FSD2: variants seen among roughly 807,000 people sequenced by gnomAD.
FSD2 encodes fibronectin type III and SPRY domain-containing protein 2.
In FSD2, 71 loss-of-function variants were observed where a neutral mutation model predicts 80.4. The ratio of observed to expected loss-of-function variants is 0.88; its 90% confidence interval spans 0.73 to 1.08. FSD2 has a LOEUF of 1.08. FSD2 is among the 50% of genes least tolerant of loss of function. The pLI is 0.00. For missense variants in FSD2, 923 were observed against 913.8 expected (o/e 1.01, Z -0.13); for synonymous variants, 361 against 329.5 (o/e 1.10, Z -1.03).
intron 1 of FSD2, among the ~76,000 whole-genome samples, chr15:82,787,882 C>A (rs1372407114): frequency 6.6e-6 from 1 of 152,024 alleles, no homozygotes; most frequent in Non-Finnish European, 1.5e-5. Flanking sequence ...AGGGTGCAAG[C>A]AATTCTTGTG....
intron 12 of FSD2, among the ~76,000 whole-genome samples, chr15:82,761,081 A>G (rs1283931743): frequency 6.6e-6 from 1 of 152,182 alleles, no homozygotes; most frequent in African/African-American, 2.4e-5. Flanking sequence ...TAGAGTCTTC[A>G]TCTGTTATCG....
At chr15:82,783,567 C>G (rs2049923712) in intron 3 of FSD2, among the ~76,000 whole-genome samples, 1 of 152,252 alleles carries the variant, frequency 6.6e-6, no homozygotes, top group Non-Finnish European at 1.5e-5. Flanking sequence ...GCACTGCTTT[C>G]TCTCCTGGCA....
chr15:82,787,064 C>G lies in FSD2; in HGVS notation c.327G>C (p.Lys109Asn). 1 of 1,613,994 alleles carries G rather than the reference C, an allele frequency of 6.2e-7. No homozygotes were observed. Among genetic ancestry groups the G allele is most frequent in the Non-Finnish European group, 8.5e-7 (1 of 1,179,904 alleles). The change falls in exon 2 of 13, where the codon AAG becomes AAC. Residue 109 changes from lysine (K) to asparagine (N), a missense_variant. Physicochemically the swap from Lys to Asn is moderately conservative, Grantham distance 94. Coordinates refer to ENST00000334574, the MANE Select transcript of FSD2 (RefSeq NM_001007122.4). ...TCTGCTCCCTGGCTGGGTCTCTCCTCTTCATCATATAAGGAGGATATTCTG... is the reference window on the plus strand; with the variant it reads ...TCTGCTCCCTGGCTGGGTCTCTCCTGTTCATCATATAAGGAGGATATTCTG... The part of the protein sequence containing the change: ...GVSEYPPYMM[K>N]RRDPAREQRD...
chr15:82,775,621 C>A (rs888977999), intron 6 of FSD2, among the ~76,000 whole-genome samples: 2 of 152,064 alleles, frequency 1.3e-5, no homozygotes, highest in Non-Finnish European at 2.9e-5. Context: ...TGTGGGATGT[C>A]ATATATGACA....
Position 82,768,860 on chromosome 15 carries a change from C to A in FSD2, c.1553+20G>T, listed in dbSNP as rs1351618162. On this transcript the variant is annotated intron_variant, in intron 9 of 12. Coordinates refer to ENST00000334574, the MANE Select transcript of FSD2 (RefSeq NM_001007122.4). ...CAGGTGTCAGGGCTCTCGTGCCCAG[C>A]AAATGCCCTCATGACTCACTCAGTT... 5 of 1,477,936 alleles carry A rather than the reference C, an allele frequency of 3.4e-6. No individual in the cohort carries two copies. The highest frequency in any genetic ancestry group is 4.5e-6 in the Non-Finnish European group (5 of 1,113,208). 91.6% of individuals were successfully genotyped at this position (1,477,936 alleles called of 1,614,324 possible). A position where few individuals can be genotyped will look rare whatever the true frequency, so the allele number is the denominator to read the frequency against.
At chr15:82,795,314 C>T (rs1240974807) in intron 1 of FSD2, among the ~76,000 whole-genome samples, 1 of 152,070 alleles carries the variant, frequency 6.6e-6, no homozygotes, top group African/African-American at 2.4e-5. Flanking sequence ...TGGAGGAGCT[C>T]AAGCTATGAT....
intron 1 of FSD2, among the ~76,000 whole-genome samples, chr15:82,792,474 TG>T (rs1399911392): frequency 6.6e-6 from 1 of 152,236 alleles, no homozygotes; most frequent in Non-Finnish European, 1.5e-5. Flanking sequence ...TTTGCCTTTT[TG>T]TTATTGAGCT....
At chr15:82,775,183 G>A (rs1328287949) in intron 6 of FSD2, among the ~76,000 whole-genome samples, 1 of 151,450 alleles carries the variant, frequency 6.6e-6, no homozygotes, top group Non-Finnish European at 1.5e-5. Context: ...TGGGTCACGA[G>A]GTCAGGAGTT....
chr15:82,790,337 C>G lies in FSD2; in HGVS notation c.-78-2869G>C, dbSNP rs139240869. On this transcript the variant is annotated intron_variant, in intron 1 of 12. Coordinates refer to ENST00000334574, the MANE Select transcript of FSD2 (RefSeq NM_001007122.4). ...CCTGAATCTTCCCTGAACCTTCCCT[C>G]TTGCTCTCCTTCAGCCAGGGTCAGA... Among the ~76,000 whole-genome samples, 352 of 152,348 alleles carry G rather than the reference C, an allele frequency of 2.3e-3. 2 individuals carry two copies. The highest frequency in any genetic ancestry group is 3.2e-3 in the Non-Finnish European group (220 of 68,028).
intron 6 of FSD2, among the ~76,000 whole-genome samples, chr15:82,776,744 G>A (rs1402550544): frequency 6.6e-6 from 1 of 152,026 alleles, no homozygotes; most frequent in Non-Finnish European, 1.5e-5. Context: ...ATCCCCAAAT[G>A]TATATGGAAC....
At chr15:82,788,504 C>CAAAA (rs11317915) in intron 1 of FSD2, among the ~76,000 whole-genome samples, 5 of 66,212 alleles carry the variant, frequency 7.6e-5, no homozygotes, top group Admixed American at 2.0e-4. Context: ...GACCCTGTCT[C>CAAAA]AAAAAAAAAA....
intron 8 of FSD2, among the ~76,000 whole-genome samples, chr15:82,769,334 C>G (rs778800348): frequency 6.6e-6 from 1 of 152,032 alleles, no homozygotes; most frequent in Non-Finnish European, 1.5e-5. Context: ...CTTTGGGAGG[C>G]CGAGGCGGGT....
At chr15:82,802,461 C>T (rs923287973) in intron 1 of FSD2, among the ~76,000 whole-genome samples, 2 of 152,104 alleles carry the variant, frequency 1.3e-5, no homozygotes, top group African/African-American at 4.8e-5. Flanking sequence ...CCTGAGAGGC[C>T]CTGAATCCTG....
chr15:82,802,454 G>A (rs1365715395), intron 1 of FSD2, among the ~76,000 whole-genome samples: 1 of 152,152 alleles, frequency 6.6e-6, no homozygotes, highest in Non-Finnish European at 1.5e-5. Context: ...CTTCTGCCCT[G>A]AGAGGCCCTG....
chr15:82,799,563 GAGCAGCCCCCTCC>G (rs1566983513), intron 1 of FSD2, among the ~76,000 whole-genome samples: 2 of 152,122 alleles, frequency 1.3e-5, no homozygotes, highest in East Asian at 3.9e-4. Flanking sequence ...CTGCTGTCTT[GAGCAGCCCCCTCC>G]AGCAGCCCCC....
chr15:82,796,893 G>A (rs963369799), intron 1 of FSD2, among the ~76,000 whole-genome samples: 1 of 152,014 alleles, frequency 6.6e-6, no homozygotes, highest in African/African-American at 2.4e-5. Flanking sequence ...GAAGGAACTA[G>A]CATTTGAGGC....
At chr15:82,761,300 C>T (rs1440793504) in intron 12 of FSD2, among the ~76,000 whole-genome samples, 1 of 152,174 alleles carries the variant, frequency 6.6e-6, no homozygotes, top group Non-Finnish European at 1.5e-5. Flanking sequence ...AGGTTGTAAC[C>T]ATGGCCTTCT....
At chr15:82,767,817 AG>A (rs2049458404) in intron 9 of FSD2, among the ~76,000 whole-genome samples, 1 of 152,218 alleles carries the variant, frequency 6.6e-6, no homozygotes, top group Non-Finnish European at 1.5e-5. Flanking sequence ...CCACGTTTCA[AG>A]CCTGGCATTT....
At chr15:82,784,253 T>TA (rs200923135) in intron 3 of FSD2, among the ~76,000 whole-genome samples, 125 of 151,474 alleles carry the variant, frequency 8.3e-4, no homozygotes, top group African/African-American at 2.8e-3. Flanking sequence ...TTATTTTATT[T>TA]TATTTTTTTT....
Sources: allele counts gnomAD v4.1 joint callset (sites outside exome capture counted in the v4.1 genomes callset), GRCh38; gene constraint gnomAD v4.1.1; transcripts MANE v1.5; gene names NCBI Gene and HGNC (gene_info 2026-07-23, HGNC 2026-07-21).